CIMIP4: variants seen among roughly 807,000 people sequenced by gnomAD.
The protein encoded by CIMIP4 is ciliary microtubule inner protein 4.
At chr22:36,991,192 C>T in the CIMIP4 span, 1 of 1,613,996 alleles carries the variant, frequency 6.2e-7, no homozygotes. Context: ...GTACTTGGAG[C>T]TCTTGGATTT....
At chr22:37,005,218 G>A in the CIMIP4 span, among the ~76,000 whole-genome samples, 66,909 of 151,906 alleles carry the variant, frequency 0.44, 14,871 homozygotes, top group East Asian at 0.53. Context: ...TCCTTCCCCA[G>A]TTGAGCCTTG....
At chr22:36,991,542 C>T in the CIMIP4 span, 1 of 1,614,176 alleles carries the variant, frequency 6.2e-7, no homozygotes, top group Non-Finnish European at 8.5e-7. Flanking sequence ...TCTCAATGAC[C>T]TCTGGTGTGT....
At chr22:37,001,973 C>T in the CIMIP4 span, 1 of 1,614,036 alleles carries the variant, frequency 6.2e-7, no homozygotes, top group East Asian at 2.2e-5. Context: ...GTCATCCGTC[C>T]CCTGGCATGG....
chr22:37,001,214 G>A, the CIMIP4 span, among the ~76,000 whole-genome samples: 1 of 151,776 alleles, frequency 6.6e-6, no homozygotes, highest in African/African-American at 2.4e-5. Context: ...GCATTGACTA[G>A]TGATGTCTGC....
the CIMIP4 span, among the ~76,000 whole-genome samples, chr22:37,006,482 G>C: frequency 6.6e-6 from 1 of 152,156 alleles, no homozygotes; most frequent in African/African-American, 2.4e-5. Flanking sequence ...CTGTATGTTA[G>C]GTGTGTTCAG....
chr22:36,994,812 A>T, the CIMIP4 span, among the ~76,000 whole-genome samples: 1 of 151,992 alleles, frequency 6.6e-6, no homozygotes, highest in South Asian at 2.1e-4. Flanking sequence ...TTGTATTTTT[A>T]GTAGAGACGG....
chr22:36,999,868 G>A, the CIMIP4 span: 1 of 1,613,910 alleles, frequency 6.2e-7, no homozygotes. Context: ...GCATGTTGTA[G>A]CCGAGGTCAT....
chr22:37,003,594 C>G, the CIMIP4 span, among the ~76,000 whole-genome samples: 28 of 152,332 alleles, frequency 1.8e-4, no homozygotes, highest in African/African-American at 6.3e-4. Flanking sequence ...ACTACCCCTG[C>G]TCTTGGCTCA....
the CIMIP4 span, among the ~76,000 whole-genome samples, chr22:37,004,728 C>A: frequency 9.4e-4 from 143 of 151,458 alleles, 4 homozygotes; most frequent in Admixed American, 9.4e-3. Context: ...TACTCTGTCA[C>A]CCAGGCTGGA....
chr22:37,006,772 T>A, the CIMIP4 span, among the ~76,000 whole-genome samples: 1 of 152,216 alleles, frequency 6.6e-6, no homozygotes, highest in Non-Finnish European at 1.5e-5. Flanking sequence ...TTTCTTGGTA[T>A]AATTCTCTCC....
chr22:37,004,089 G>T, the CIMIP4 span: 14 of 1,435,088 alleles, frequency 9.8e-6, no homozygotes, highest in Non-Finnish European at 1.1e-5. Flanking sequence ...GAACAAGGAT[G>T]AGCTGGGAGC....
the CIMIP4 span, among the ~76,000 whole-genome samples, chr22:37,007,018 G>A: frequency 6.6e-6 from 1 of 152,254 alleles, no homozygotes; most frequent in East Asian, 1.9e-4. Flanking sequence ...CAGAGTAGCT[G>A]GATCCTGCCA....
the CIMIP4 span, chr22:36,991,311 G>C: frequency 9.9e-6 from 16 of 1,609,114 alleles, no homozygotes; most frequent in Non-Finnish European, 1.4e-5. Flanking sequence ...GCACAGATTA[G>C]ATCATCTGGC....
chr22:36,991,234 T>C, the CIMIP4 span: 7 of 1,614,086 alleles, frequency 4.3e-6, no homozygotes, highest in East Asian at 1.6e-4. Context: ...TTCCAGTGCT[T>C]TCTGCAAGTT....
chr22:36,997,774 C>A, the CIMIP4 span, among the ~76,000 whole-genome samples: 2 of 152,212 alleles, frequency 1.3e-5, no homozygotes, highest in South Asian at 4.1e-4. Flanking sequence ...GACCTTCCAG[C>A]AGGCTTCACG....
the CIMIP4 span, among the ~76,000 whole-genome samples, chr22:36,994,901 A>C: frequency 1.3e-5 from 2 of 152,222 alleles, no homozygotes; most frequent in African/African-American, 4.8e-5. Flanking sequence ...AAGTGCTGGG[A>C]TTACAGGCGT....
chr22:37,002,858 T>A, the CIMIP4 span, among the ~76,000 whole-genome samples: 1 of 151,878 alleles, frequency 6.6e-6, no homozygotes, highest in Non-Finnish European at 1.5e-5. Context: ...AATACCTACC[T>A]CCTCCCTTCG....
At chr22:37,002,380 G>T in the CIMIP4 span, 1 of 555,182 alleles carries the variant, frequency 1.8e-6, no homozygotes, top group Non-Finnish European at 2.6e-6. Flanking sequence ...GGTGGGGAGG[G>T]GGCAGAGATG....
chr22:36,992,336 G>C, the CIMIP4 span, among the ~76,000 whole-genome samples: 1 of 149,818 alleles, frequency 6.7e-6, no homozygotes, highest in South Asian at 2.2e-4. Flanking sequence ...AACAGAGAGA[G>C]ACTCTGTCTC....
Sources: allele counts gnomAD v4.1 joint callset (sites outside exome capture counted in the v4.1 genomes callset), GRCh38; gene constraint gnomAD v4.1.1; transcripts MANE v1.5; gene names NCBI Gene and HGNC (gene_info 2026-07-23, HGNC 2026-07-21).